Variants in MNAT1 observed in about 807,000 individuals in gnomAD.
MNAT1 encodes the protein MNAT1 component of CDK activating kinase.
MNAT1 carries 43 observed loss-of-function variants against 42.0 expected under a neutral mutation model. That is an observed-to-expected ratio of 1.02 (90% CI 0.80 to 1.32). MNAT1 has a LOEUF of 1.32. Ranked by LOEUF, MNAT1 falls within the 40% of genes most tolerant of loss-of-function variation. The probability of loss-of-function intolerance (pLI) is 0.00; values close to 1 mark genes in which losing one functional copy is unlikely to be tolerated. For synonymous variants in MNAT1, 118 were observed against 120.0 expected, an observed-to-expected ratio of 0.98 and a Z score of 0.11; for missense variants, 306 against 350.4, an observed-to-expected ratio of 0.87 and a Z score of 1.01.
At chr14:60,865,465 T>C (rs995889351) in intron 6 of MNAT1, among the ~76,000 whole-genome samples, 1 of 152,124 alleles carries the variant, frequency 6.6e-6, no homozygotes, top group Non-Finnish European at 1.5e-5. Context: ...GAATACTGTT[T>C]TTCTTAAAAT....
intron 7 of MNAT1, among the ~76,000 whole-genome samples, chr14:60,918,724 A>C (rs1020209375): frequency 7.8e-6 from 1 of 127,560 alleles, no homozygotes; most frequent in South Asian, 2.7e-4. Flanking sequence ...TTTAATGACT[A>C]TCCAGATGAG....
At chr14:60,917,605 GTTTTGTTTTTTTTTTGTTTCTT>G (rs2035550055) in intron 7 of MNAT1, among the ~76,000 whole-genome samples, 1 of 150,600 alleles carries the variant, frequency 6.6e-6, no homozygotes, top group African/African-American at 2.4e-5. Context: ...ATAGATTTGA[GTTTTGTTTTTTTTTTGTTTCTT>G]TTTTGTTTTT....
At chr14:60,865,072 T>C (rs1046227410) in intron 6 of MNAT1, among the ~76,000 whole-genome samples, 2 of 152,046 alleles carry the variant, frequency 1.3e-5, no homozygotes, top group African/African-American at 4.8e-5. Context: ...GAAACAAATA[T>C]TCCTGATACA....
At chr14:60,768,136 G>A (rs370333893) in intron 1 of MNAT1, among the ~76,000 whole-genome samples, 10 of 151,978 alleles carry the variant, frequency 6.6e-5, no homozygotes, top group African/African-American at 2.4e-4. Flanking sequence ...CCTGACCTCA[G>A]GTGATCCACC....
chr14:60,800,677 T>C (rs1244398708), intron 3 of MNAT1, among the ~76,000 whole-genome samples: 1 of 152,250 alleles, frequency 6.6e-6, no homozygotes, highest in Non-Finnish European at 1.5e-5. Flanking sequence ...TTCCTATATA[T>C]GTTTTAAGTT....
At chr14:60,826,582 G>A (rs2033064175) in intron 6 of MNAT1, among the ~76,000 whole-genome samples, 1 of 152,134 alleles carries the variant, frequency 6.6e-6, no homozygotes, top group Admixed American at 6.5e-5. Flanking sequence ...GCCTCCCAAA[G>A]TGCTGGGATT....
In MNAT1 at chr14:60,758,178, C is replaced by T. The variant is rs1346316076; in HGVS notation, c.89+23227C>T. 2.6e-5 allele frequency among the ~76,000 whole-genome samples: 4 copies of T among 151,310 alleles called. 1 individual carries two copies. The highest frequency in any genetic ancestry group is 6.6e-5 in the Admixed American group (1 of 15,156). ...GATTTTATCCTATTCCCCTTGTAGT[C>T]TATGTCTTCCTTATCTCTACTTGGA... is the stretch of plus-strand genomic sequence containing the variant. On this transcript the variant is annotated intron_variant, in intron 1 of 7. Transcript: ENST00000261245.
At chr14:60,902,924 T>G (rs1423241052) in intron 7 of MNAT1, among the ~76,000 whole-genome samples, 2 of 152,098 alleles carry the variant, frequency 1.3e-5, no homozygotes, top group East Asian at 3.9e-4. Flanking sequence ...ATATCTGGGT[T>G]TTTATCTAGG....
At position 60,734,772 on chromosome 14, in the gene MNAT1, G is replaced by A. The variant is rs149302953; in HGVS notation, c.-91G>A. ...GGACCGTCTCTGCCAAGCGCCTGTT[G>A]GTAGGAACCTGCTTGGTCGCGTCTG... On this transcript the variant is annotated 5_prime_UTR_variant, in exon 1 of 8. Coordinates refer to ENST00000261245, the MANE Select transcript of MNAT1 (RefSeq NM_002431.4). This position sits in a 1 kb window ranked among gnomAD's most constrained non-coding sequence, Gnocchi z 4.3. 2.1e-4 allele frequency: 251 copies of A among 1,183,140 alleles called. No homozygotes were observed. The African/African-American group carries it at 3.3e-3, about 16-fold the overall frequency. 73.3% of individuals were successfully genotyped at this position (1,183,140 alleles called of 1,614,324 possible).
At chr14:60,915,051 T>C (rs1214007915) in intron 7 of MNAT1, among the ~76,000 whole-genome samples, 1 of 152,234 alleles carries the variant, frequency 6.6e-6, no homozygotes, top group African/African-American at 2.4e-5. Flanking sequence ...GTTTTTTATT[T>C]GACCGAGAGC....
chr14:60,925,892 C>G (rs2035754505), intron 7 of MNAT1, among the ~76,000 whole-genome samples: 1 of 152,072 alleles, frequency 6.6e-6, no homozygotes, highest in African/African-American at 2.4e-5. Context: ...TAAGATCTTT[C>G]AAGAAAAATT....
intron 1 of MNAT1, among the ~76,000 whole-genome samples, chr14:60,739,521 G>A (rs918565721): frequency 6.6e-6 from 1 of 152,052 alleles, no homozygotes; most frequent in Non-Finnish European, 1.5e-5. Context: ...ACTTATGGGA[G>A]AAAATACAGG....
chr14:60,922,559 T>C (rs1446317972), intron 7 of MNAT1, among the ~76,000 whole-genome samples: 1 of 152,148 alleles, frequency 6.6e-6, no homozygotes, highest in African/African-American at 2.4e-5. Context: ...TTGAGGTCTC[T>C]GTAGATTGAT....
intron 7 of MNAT1, among the ~76,000 whole-genome samples, chr14:60,903,533 C>T (rs1299782650): frequency 1.3e-5 from 2 of 151,994 alleles, no homozygotes; most frequent in Non-Finnish European, 1.5e-5. Flanking sequence ...CAATAAAATA[C>T]CTATTTTATT....
intron 1 of MNAT1, among the ~76,000 whole-genome samples, chr14:60,784,802 A>G (rs2031590556): frequency 6.6e-6 from 1 of 151,950 alleles, no homozygotes. Context: ...TGGAAAGTGT[A>G]AGAATTCTTT....
Position 60,896,726 on chromosome 14 carries a change from TC to T in MNAT1, c.809+16893del, listed in dbSNP as rs200968326. On this transcript the variant is annotated intron_variant, in intron 7 of 7. Coordinates refer to ENST00000261245, the MANE Select transcript of MNAT1 (RefSeq NM_002431.4). ...GGTCTCGAACTCTGACCCCACGTGA[TC>T]CACACGCCTCAGCCTCCCAAAGTGC... Among the ~76,000 whole-genome samples, 99 of 152,204 alleles carry T rather than the reference TC, an allele frequency of 6.5e-4. No individual in the cohort carries two copies. In the East Asian group the frequency reaches 0.018, roughly 28 times the overall value.
At chr14:60,943,567 C>T (rs1174115918) in intron 7 of MNAT1, among the ~76,000 whole-genome samples, 1 of 151,642 alleles carries the variant, frequency 6.6e-6, no homozygotes, top group East Asian at 1.9e-4. Flanking sequence ...ATTATCTGTT[C>T]AGGCAGTGGG....
intron 7 of MNAT1, among the ~76,000 whole-genome samples, chr14:60,901,886 T>C (rs937794242): frequency 6.6e-6 from 1 of 152,164 alleles, no homozygotes; most frequent in Non-Finnish European, 1.5e-5. Flanking sequence ...ATTGTTGAAA[T>C]GACAACAAAA....
intron 1 of MNAT1, among the ~76,000 whole-genome samples, chr14:60,765,284 TCAAA>T (rs2030769085): frequency 6.6e-6 from 1 of 152,140 alleles, no homozygotes; most frequent in East Asian, 1.9e-4. Flanking sequence ...AGACTCCATC[TCAAA>T]CAAACGTCTC....
Sources: allele counts gnomAD v4.1 joint callset (sites outside exome capture counted in the v4.1 genomes callset), GRCh38; gene constraint gnomAD v4.1.1; non-coding constraint Gnocchi (gnomAD v3.1); transcripts MANE v1.5; gene names NCBI Gene and HGNC (gene_info 2026-07-23, HGNC 2026-07-21).